The following FYN variants were observed in gnomAD, a reference collection of about 807,000 sequenced individuals.
FYN encodes tyrosine-protein kinase Fyn.
A neutral mutation model predicts 70.2 loss-of-function variants in FYN; 10 were observed. That is an observed-to-expected ratio of 0.14 (90% CI 0.09 to 0.24). The LOEUF (loss-of-function observed/expected upper bound fraction) is 0.24. Ranked by LOEUF, FYN falls within the 10% of genes least tolerant of loss-of-function variation. The pLI, the probability that FYN is intolerant of heterozygous loss-of-function variation, is 1.00. For missense variants in FYN, 319 were observed against 673.1 expected (o/e 0.47, Z 5.82); for synonymous variants, 236 against 248.6 (o/e 0.95, Z 0.48).
chr6:111,778,442 C>T (rs1771035967), intron 3 of FYN, among the ~76,000 whole-genome samples: 2 of 152,154 alleles, frequency 1.3e-5, no homozygotes, highest in Admixed American at 1.3e-4. Flanking sequence ...AGACCAAGTC[C>T]CTGTCCCATG....
At chr6:111,735,009 T>G (rs1192565046) in intron 3 of FYN, among the ~76,000 whole-genome samples, 3 of 152,122 alleles carry the variant, frequency 2.0e-5, no homozygotes, top group Non-Finnish European at 4.4e-5. Context: ...GGAGTTCTAA[T>G]TCATCCAGGT....
At chr6:111,751,618 C>A (rs1389652661) in intron 3 of FYN, among the ~76,000 whole-genome samples, 3 of 113,786 alleles carry the variant, frequency 2.6e-5, no homozygotes, top group African/African-American at 4.2e-5. Context: ...TGTCTCCATT[C>A]AAATTCTTTC....
At chr6:111,837,027 T>C in intron 2 of FYN, among the ~76,000 whole-genome samples, 1 of 152,158 alleles carries the variant, frequency 6.6e-6, no homozygotes, top group East Asian at 1.9e-4. Context: ...TGTCAAAAGT[T>C]TTTTGTCCTA....
chr6:111,821,247 C>T (rs944137745), intron 2 of FYN, among the ~76,000 whole-genome samples: 1 of 151,914 alleles, frequency 6.6e-6, no homozygotes, highest in African/African-American at 2.4e-5. Flanking sequence ...TACAAGGCTA[C>T]AGTAACCAAA....
At chr6:111,731,910 C>A (rs962267435) in intron 3 of FYN, among the ~76,000 whole-genome samples, 8 of 152,118 alleles carry the variant, frequency 5.3e-5, no homozygotes, top group African/African-American at 1.9e-4. Context: ...TAGAGGTCTG[C>A]ATTTATGAAT....
Position 111,856,883 on chromosome 6 carries a change from A to G in FYN, c.-122-10254T>C, listed in dbSNP as rs201227967. ...CACCTCACCCCAGAACACCCCCAAT[A>G]AAGGCACACTTTTAAAGCAAGCCTG... On this transcript the variant is annotated intron_variant, in intron 1 of 13. Coordinates refer to ENST00000354650, the MANE Select transcript of FYN (RefSeq NM_002037.5). Among the ~76,000 whole-genome samples, 6 of 152,184 alleles carry G rather than the reference A, an allele frequency of 3.9e-5. No individual in the cohort carries two copies. In the East Asian group the frequency reaches 7.7e-4, roughly 20 times the overall value.
At chr6:111,734,551 C>T (rs1010798573) in intron 3 of FYN, among the ~76,000 whole-genome samples, 25 of 152,210 alleles carry the variant, frequency 1.6e-4, no homozygotes, top group African/African-American at 5.5e-4. Flanking sequence ...TCATGACATG[C>T]TGTGGTCTTG....
chr6:111,697,696 T>C (rs919317229), intron 9 of FYN, among the ~76,000 whole-genome samples: 2 of 152,258 alleles, frequency 1.3e-5, no homozygotes, highest in Non-Finnish European at 2.9e-5. Context: ...CATTAAGATC[T>C]TCCTCTGTAA....
chr6:111,671,326 C>T (rs1407608969), intron 13 of FYN, among the ~76,000 whole-genome samples: 1 of 152,208 alleles, frequency 6.6e-6, no homozygotes, highest in Non-Finnish European at 1.5e-5. Flanking sequence ...ATACTCCACT[C>T]TAAGTTCCTT....
chr6:111,775,787 A>T lies in FYN; in HGVS notation c.-12+4779T>A, dbSNP rs1290253262. Among the ~76,000 whole-genome samples, 4 of 152,268 alleles carry T rather than the reference A, an allele frequency of 2.6e-5. No homozygotes were observed. The East Asian group carries it at 7.7e-4, about 29-fold the overall frequency. ...GGGGTAGGCCAGGATCTGTGCGTTT[A>T]ATGAGCTCTTAGGCCAGTTCTGAGG... On this transcript the variant is annotated intron_variant, in intron 3 of 13. Transcript: ENST00000354650.
chr6:111,860,126 T>C (rs1214878804), intron 1 of FYN, among the ~76,000 whole-genome samples: 6 of 152,066 alleles, frequency 3.9e-5, no homozygotes, highest in Non-Finnish European at 7.4e-5. Flanking sequence ...TGGTTTCTGA[T>C]TTTGGGCCTC....
chr6:111,858,096 C>A (rs969165065), intron 1 of FYN, among the ~76,000 whole-genome samples: 19 of 152,184 alleles, frequency 1.2e-4, no homozygotes, highest in African/African-American at 4.6e-4. Flanking sequence ...CACCCAAGGG[C>A]ATAAGCAGGA....
chr6:111,785,824 C>G lies in FYN; in HGVS notation c.-81-5189G>C, dbSNP rs547014826. Among the ~76,000 whole-genome samples, 23 of 140,780 alleles carry G rather than the reference C, an allele frequency of 1.6e-4. No individual in the cohort carries two copies. In the East Asian group the frequency reaches 4.7e-3, roughly 29 times the overall value. 92.4% of individuals were successfully genotyped at this position (140,780 alleles called of 152,430 possible). A position where few individuals can be genotyped will look rare whatever the true frequency, so the allele number is the denominator to read the frequency against. On this transcript the variant is annotated intron_variant, in intron 2 of 13. Coordinates refer to ENST00000354650, the MANE Select transcript of FYN (RefSeq NM_002037.5). ...CTAATGCTATCCCTCCTCCCTCCCCCGACCCCACGACAGGCCCCAGTGTGT... is the reference window on the plus strand; with the variant it reads ...CTAATGCTATCCCTCCTCCCTCCCCGGACCCCACGACAGGCCCCAGTGTGT...
chr6:111,838,991 C>T (rs943904167), intron 2 of FYN, among the ~76,000 whole-genome samples: 2 of 152,178 alleles, frequency 1.3e-5, no homozygotes, highest in Non-Finnish European at 2.9e-5. Context: ...AAGTATCTGT[C>T]TTGGGGCCTA....
chr6:111,847,135 C>T (rs1397037701), intron 1 of FYN, among the ~76,000 whole-genome samples: 1 of 152,200 alleles, frequency 6.6e-6, no homozygotes. Flanking sequence ...TGGGGATGGC[C>T]CCTGGTTCCC....
chr6:111,861,532 AAAC>A (rs1773962762), intron 1 of FYN, among the ~76,000 whole-genome samples: 1 of 151,984 alleles, frequency 6.6e-6, no homozygotes, highest in Non-Finnish European at 1.5e-5. Context: ...ATAGCATTTC[AAAC>A]AACAGTAAAG....
At chr6:111,853,517 A>C (rs1349808944) in intron 1 of FYN, among the ~76,000 whole-genome samples, 6 of 152,174 alleles carry the variant, frequency 3.9e-5, no homozygotes, top group African/African-American at 1.4e-4. Flanking sequence ...AAGAGCACAA[A>C]CGGCCTCTTG....
At chr6:111,850,853 G>A (rs1015170397) in intron 1 of FYN, among the ~76,000 whole-genome samples, 2 of 152,200 alleles carry the variant, frequency 1.3e-5, no homozygotes, top group African/African-American at 4.8e-5. Flanking sequence ...AGGCGCCTGA[G>A]ACAGGACCCA....
In FYN at chr6:111,661,377, T is replaced by C. The variant is rs929435146; in HGVS notation, c.*362A>G. On this transcript the variant is annotated 3_prime_UTR_variant, in exon 14 of 14. Coordinates refer to ENST00000354650, the MANE Select transcript of FYN (RefSeq NM_002037.5). This position sits in a 1 kb window ranked among gnomAD's most constrained non-coding sequence, Gnocchi z 4.0. ...CTTTTTTTTTTTTAGTTGAATCAGGTGAAGACAGAGTTAAAATCACATAGG... is the reference window on the plus strand; with the variant it reads ...CTTTTTTTTTTTTAGTTGAATCAGGCGAAGACAGAGTTAAAATCACATAGG... The C allele has an allele frequency of 5.7e-6, 1 of 175,430 alleles. No individual in the cohort carries two copies. Among genetic ancestry groups the C allele is most frequent in the East Asian group, 1.5e-4 (1 of 6,522 alleles). The allele number at this position is 175,430 out of a possible 1,614,324, so 10.9% of individuals were successfully genotyped here.
Sources: allele counts gnomAD v4.1 joint callset (sites outside exome capture counted in the v4.1 genomes callset), GRCh38; gene constraint gnomAD v4.1.1; non-coding constraint Gnocchi (gnomAD v3.1); transcripts MANE v1.5; gene names NCBI Gene and HGNC (gene_info 2026-07-23, HGNC 2026-07-21).